The following FAF1 variants were observed in gnomAD, a reference collection of about 807,000 sequenced individuals.
FAF1 encodes the protein Fas associated factor 1, also known as FAS-associated factor 1.
A neutral mutation model predicts 92.5 loss-of-function variants in FAF1; 25 were observed. The observed-to-expected ratio is 0.27, with a 90% CI of 0.20 to 0.38. The LOEUF (loss-of-function observed/expected upper bound fraction) is 0.38, where lower values mean the gene tolerates loss of function less well. Among genes scored for constraint, FAF1 ranks in the 10% least tolerant of loss-of-function variants. FAF1 has a pLI of 1.00. For synonymous variants in FAF1, 234 were observed against 273.2 expected, an observed-to-expected ratio of 0.86 and a Z score of 1.42; for missense variants, 636 against 793.3, an observed-to-expected ratio of 0.80 and a Z score of 2.38.
chr1:50,669,194 A>C (rs1655761841), intron 7 of FAF1, among the ~76,000 whole-genome samples: 1 of 152,172 alleles, frequency 6.6e-6, no homozygotes, highest in African/African-American at 2.4e-5. Flanking sequence ...CTCAAGTATT[A>C]ACAACTCTAC....
At chr1:50,527,029 A>G (rs990774774) in intron 15 of FAF1, among the ~76,000 whole-genome samples, 27 of 151,916 alleles carry the variant, frequency 1.8e-4, no homozygotes, top group Admixed American at 7.9e-4. Context: ...AAAGATTTTT[A>G]TATTTTAAGT....
At chr1:50,654,555 T>C (rs1329884492) in intron 8 of FAF1, among the ~76,000 whole-genome samples, 4 of 152,240 alleles carry the variant, frequency 2.6e-5, no homozygotes, top group African/African-American at 7.2e-5. Context: ...TTATAAAATA[T>C]ATAATAAGGG....
intron 9 of FAF1, among the ~76,000 whole-genome samples, chr1:50,595,481 A>G (rs2124078894): frequency 6.6e-6 from 1 of 152,340 alleles, no homozygotes; most frequent in South Asian, 2.1e-4. Context: ...CCAATGAGTT[A>G]AAGGACTTCC....
At chr1:50,800,373 T>G (rs1418403833) in intron 3 of FAF1, among the ~76,000 whole-genome samples, 2 of 152,182 alleles carry the variant, frequency 1.3e-5, no homozygotes, top group African/African-American at 4.8e-5. Flanking sequence ...TGGAGTGATA[T>G]TTAGCAGTGT....
At chr1:50,725,397 T>C (rs1658606180) in intron 6 of FAF1, among the ~76,000 whole-genome samples, 1 of 152,228 alleles carries the variant, frequency 6.6e-6, no homozygotes, top group Non-Finnish European at 1.5e-5. Flanking sequence ...GCTTAATTCA[T>C]GGCTACTGTA....
intron 7 of FAF1, among the ~76,000 whole-genome samples, chr1:50,659,252 G>T (rs968087105): frequency 5.3e-5 from 8 of 151,434 alleles, no homozygotes; most frequent in African/African-American, 1.7e-4. Flanking sequence ...AGAGGGAGGG[G>T]GAAGGGAAAG....
intron 1 of FAF1, among the ~76,000 whole-genome samples, chr1:50,922,818 CAAAAAAA>C (rs754253837): frequency 1.8e-5 from 1 of 56,886 alleles, no homozygotes; most frequent in Non-Finnish European, 3.7e-5. Flanking sequence ...GAATCCACCA[CAAAAAAA>C]AAAAAAAAAA....
intron 6 of FAF1, among the ~76,000 whole-genome samples, chr1:50,730,984 T>C (rs56789242): frequency 2.0e-5 from 3 of 152,334 alleles, no homozygotes; most frequent in Admixed American, 6.5e-5. Context: ...TTGTGTTATA[T>C]TGAATTTGCA....
At chr1:50,727,884 G>C (rs1395007596) in intron 6 of FAF1, among the ~76,000 whole-genome samples, 2 of 152,264 alleles carry the variant, frequency 1.3e-5, no homozygotes, top group East Asian at 3.9e-4. Context: ...TTTGCCAGGA[G>C]CTCTCGGACC....
chr1:50,724,182 G>A (rs535334638), intron 6 of FAF1, among the ~76,000 whole-genome samples: 1 of 147,106 alleles, frequency 6.8e-6, no homozygotes, highest in South Asian at 2.3e-4. Context: ...AGGTTACAAT[G>A]AGCTATGATA....
At chr1:50,887,437 A>C (rs1204396240) in intron 1 of FAF1, among the ~76,000 whole-genome samples, 1 of 152,212 alleles carries the variant, frequency 6.6e-6, no homozygotes, top group East Asian at 1.9e-4. Flanking sequence ...TGTTTTAGAC[A>C]TGAAGTCCTT....
chr1:50,570,076 T>TTATATC (rs1309709605), intron 12 of FAF1, among the ~76,000 whole-genome samples: 1 of 152,150 alleles, frequency 6.6e-6, no homozygotes, highest in Admixed American at 6.6e-5. Flanking sequence ...ATCTCGACTA[T>TTATATC]TATATCGCAG....
chr1:50,742,423 G>A (rs540996984), intron 5 of FAF1, among the ~76,000 whole-genome samples: 12 of 152,100 alleles, frequency 7.9e-5, no homozygotes, highest in South Asian at 4.2e-4. Flanking sequence ...TTGCTCTGTC[G>A]CCCAGGATGG....
chr1:50,537,924 A>T (rs753011125), intron 14 of FAF1, among the ~76,000 whole-genome samples: 1 of 152,174 alleles, frequency 6.6e-6, no homozygotes, highest in Non-Finnish European at 1.5e-5. Flanking sequence ...TTCAAATTAG[A>T]TGCACATGGA....
intron 5 of FAF1, among the ~76,000 whole-genome samples, chr1:50,739,296 G>C (rs923017912): frequency 2.0e-5 from 3 of 151,870 alleles, no homozygotes; most frequent in African/African-American, 4.8e-5. Context: ...ATATGTACAT[G>C]TGTACACGTA....
chr1:50,543,662 G>A (rs1648862851), intron 13 of FAF1, among the ~76,000 whole-genome samples: 1 of 151,904 alleles, frequency 6.6e-6, no homozygotes. Flanking sequence ...GATTAAAAAT[G>A]ATAGTTTATA....
At chr1:50,657,616 T>C (rs1438644135) in intron 7 of FAF1, among the ~76,000 whole-genome samples, 1 of 152,242 alleles carries the variant, frequency 6.6e-6, no homozygotes, top group African/African-American at 2.4e-5. Flanking sequence ...ACAAGCATCA[T>C]GCATTTATGT....
At chr1:50,813,611 C>T (rs1384411222) in intron 2 of FAF1, among the ~76,000 whole-genome samples, 1 of 152,078 alleles carries the variant, frequency 6.6e-6, no homozygotes, top group Non-Finnish European at 1.5e-5. Flanking sequence ...CAGGCAAGCA[C>T]CACCATGCCC....
chr1:50,611,635 TTGC>T (rs1299123163), intron 8 of FAF1, among the ~76,000 whole-genome samples: 2 of 152,248 alleles, frequency 1.3e-5, no homozygotes, highest in East Asian at 3.8e-4. Context: ...ACTTCATTAT[TTGC>T]TGCTGCTATT....
Sources: allele counts gnomAD v4.1 joint callset (sites outside exome capture counted in the v4.1 genomes callset), GRCh38; gene constraint gnomAD v4.1.1; transcripts MANE v1.5; gene names NCBI Gene and HGNC (gene_info 2026-07-23, HGNC 2026-07-21).